The following SGCZ variants were observed in gnomAD, a reference collection of about 807,000 sequenced individuals.
SGCZ encodes the protein sarcoglycan zeta, also known as zeta-sarcoglycan.
In SGCZ, 40 loss-of-function variants were observed where a neutral mutation model predicts 41.3. That is an observed-to-expected ratio of 0.97 (90% CI 0.75 to 1.26). The LOEUF (loss-of-function observed/expected upper bound fraction) is 1.26, where lower values mean the gene tolerates loss of function less well. Among genes scored for constraint, SGCZ ranks in the 50% most tolerant of loss-of-function variants. The probability of loss-of-function intolerance (pLI) is 0.00; values close to 1 mark genes in which losing one functional copy is unlikely to be tolerated. For missense variants in SGCZ, 552 were observed against 369.8 expected (o/e 1.49, Z -4.04); for synonymous variants, 206 against 137.5 (o/e 1.50, Z -3.49).
At chr8:14,292,257 C>G (rs1350293478) in intron 3 of SGCZ, among the ~76,000 whole-genome samples, 1 of 151,866 alleles carries the variant, frequency 6.6e-6, no homozygotes, top group Non-Finnish European at 1.5e-5. Context: ...AGTACATATA[C>G]AAGTGTGATG....
chr8:14,212,377 T>C (rs923004860), intron 4 of SGCZ, among the ~76,000 whole-genome samples: 1 of 151,366 alleles, frequency 6.6e-6, no homozygotes, highest in African/African-American at 2.4e-5. Context: ...TTTTGTTTTC[T>C]CACGTAACAC....
intron 1 of SGCZ, among the ~76,000 whole-genome samples, chr8:14,777,758 G>C (rs889265145): frequency 6.6e-6 from 1 of 152,136 alleles, no homozygotes; most frequent in African/African-American, 2.4e-5. Flanking sequence ...GTGAGAGAGA[G>C]ACAGAGACAC....
At chr8:14,803,379 C>A (rs1041873259) in intron 1 of SGCZ, among the ~76,000 whole-genome samples, 1 of 152,070 alleles carries the variant, frequency 6.6e-6, no homozygotes, top group Non-Finnish European at 1.5e-5. Context: ...GCGCACCATG[C>A]GCAAGCCGAA....
At chr8:15,013,146 G>C (rs192640186) in intron 1 of SGCZ, among the ~76,000 whole-genome samples, 106 of 152,178 alleles carry the variant, frequency 7.0e-4, no homozygotes, top group African/African-American at 2.5e-3. Context: ...TGAAAATGGA[G>C]TAGACTTATC....
At chr8:15,037,121 G>A (rs1159594173) in intron 1 of SGCZ, among the ~76,000 whole-genome samples, 2 of 152,120 alleles carry the variant, frequency 1.3e-5, no homozygotes, top group East Asian at 1.9e-4. Flanking sequence ...ATATGATGAT[G>A]GGGTTTGGCT....
chr8:14,399,644 T>C (rs1799018273), intron 2 of SGCZ, among the ~76,000 whole-genome samples: 1 of 152,140 alleles, frequency 6.6e-6, no homozygotes, highest in Non-Finnish European at 1.5e-5. Context: ...TATTCAACTG[T>C]ATAATGAATA....
intron 2 of SGCZ, among the ~76,000 whole-genome samples, chr8:14,361,137 T>C (rs1274081575): frequency 1.3e-5 from 2 of 152,228 alleles, no homozygotes; most frequent in Non-Finnish European, 2.9e-5. Context: ...ATTGTTTCTT[T>C]GTTAAGCTGC....
intron 1 of SGCZ, among the ~76,000 whole-genome samples, chr8:14,867,986 T>C (rs568083607): frequency 6.6e-6 from 1 of 151,882 alleles, no homozygotes; most frequent in African/African-American, 2.4e-5. Flanking sequence ...CTATATAACA[T>C]GCAAAATTCC....
intron 1 of SGCZ, among the ~76,000 whole-genome samples, chr8:14,629,841 A>G (rs1251834198): frequency 3.3e-5 from 5 of 152,122 alleles, no homozygotes; most frequent in Admixed American, 2.6e-4. Context: ...TCCTTTTCAT[A>G]TAAATAATGC....
At chr8:14,856,711 G>A (rs1041260866) in intron 1 of SGCZ, among the ~76,000 whole-genome samples, 1 of 152,138 alleles carries the variant, frequency 6.6e-6, no homozygotes, top group Non-Finnish European at 1.5e-5. Context: ...GGGGGCTTAG[G>A]CAGCAGTATG....
chr8:15,089,716 G>C (rs1425149138), intron 1 of SGCZ, among the ~76,000 whole-genome samples: 1 of 152,070 alleles, frequency 6.6e-6, no homozygotes, highest in Non-Finnish European at 1.5e-5. Context: ...GTGTATTTTG[G>C]GGACTGAGGA....
At chr8:15,098,777 G>C (rs1165673731) in intron 1 of SGCZ, among the ~76,000 whole-genome samples, 1 of 152,224 alleles carries the variant, frequency 6.6e-6, no homozygotes, top group East Asian at 1.9e-4. Context: ...TAGTGCCTCA[G>C]TTCGGGTGCC....
intron 1 of SGCZ, among the ~76,000 whole-genome samples, chr8:15,184,822 C>A (rs900690935): frequency 6.6e-6 from 1 of 152,146 alleles, no homozygotes; most frequent in African/African-American, 2.4e-5. Context: ...TGGCTTCCAA[C>A]TGTTGCTAAT....
chr8:14,761,749 T>C (rs1269715800), intron 1 of SGCZ, among the ~76,000 whole-genome samples: 1 of 151,920 alleles, frequency 6.6e-6, no homozygotes, highest in Non-Finnish European at 1.5e-5. Flanking sequence ...TAGTACAAAC[T>C]CCTGAACTCA....
chr8:14,594,721 TG>T (rs1805352339), intron 1 of SGCZ, among the ~76,000 whole-genome samples: 1 of 151,912 alleles, frequency 6.6e-6, no homozygotes, highest in African/African-American at 2.4e-5. Flanking sequence ...GTCTGTGCGT[TG>T]GGGGTGTCTT....
rs199588948 is a variant in SGCZ, at chr8:14,867,917, T to TAAAA, written c.40-312995_40-312992dup. Among the ~76,000 whole-genome samples the TAAAA allele has an allele frequency of 5.8e-3, 766 of 132,880 alleles. 2 individuals carry two copies. The highest frequency in any genetic ancestry group is 0.019 in the South Asian group (79 of 4,132). The allele number at this position is 132,880 out of a possible 152,430, so 87.2% of individuals were successfully genotyped here. A position where few individuals can be genotyped will look rare whatever the true frequency, so the allele number is the denominator to read the frequency against. On this transcript the variant is annotated intron_variant, in intron 1 of 7. Coordinates refer to ENST00000382080, the MANE Select transcript of SGCZ (RefSeq NM_139167.4). The stretch of plus-strand genomic sequence containing the variant: ...TACTTGTGCCCCTGAACTTAAAAGT[T>TAAAA]AAAAAAAAAAAAAAGCCTGAAGAAG...
chr8:14,999,597 C>G (rs1285782254), intron 1 of SGCZ, among the ~76,000 whole-genome samples: 2 of 152,134 alleles, frequency 1.3e-5, no homozygotes, highest in Non-Finnish European at 1.5e-5. Context: ...TCAGAGGCTG[C>G]ATGAGGGTTA....
chr8:14,474,945 T>C (rs1283773297), intron 2 of SGCZ, among the ~76,000 whole-genome samples: 2 of 152,186 alleles, frequency 1.3e-5, no homozygotes, highest in Non-Finnish European at 2.9e-5. Flanking sequence ...TCTTTATAGT[T>C]GAAGCAGCCA....
At chr8:14,601,281 A>G (rs939975989) in intron 1 of SGCZ, among the ~76,000 whole-genome samples, 1 of 152,028 alleles carries the variant, frequency 6.6e-6, no homozygotes, top group African/African-American at 2.4e-5. Context: ...TTTCTTTCCT[A>G]GTATAAAAAG....
Sources: gnomAD v4.1 joint callset for allele counts (sites outside exome capture counted in the v4.1 genomes callset) on GRCh38, gnomAD v4.1.1 for gene constraint, MANE v1.5 for transcripts, NCBI Gene and HGNC (gene_info 2026-07-23, HGNC 2026-07-21) for gene names.